Variants in SPATA6 observed in about 807,000 individuals in gnomAD.
SPATA6 encodes spermatogenesis associated 6.
SPATA6 carries 56 observed loss-of-function variants against 65.3 expected under a neutral mutation model. That is an observed-to-expected ratio of 0.86 (90% confidence interval 0.69 to 1.07). SPATA6 has a LOEUF of 1.07. Ranked by LOEUF, SPATA6 falls within the 50% of genes least tolerant of loss-of-function variation. The pLI, the probability that SPATA6 is intolerant of heterozygous loss-of-function variation, is 0.00. For synonymous variants in SPATA6, 199 were observed against 213.2 expected, an observed-to-expected ratio of 0.93 and a Z score of 0.58; for missense variants, 590 against 594.8, an observed-to-expected ratio of 0.99 and a Z score of 0.08.
In SPATA6 at chr1:48,324,260, G is replaced by A. The variant is rs72891563; in HGVS notation, c.1195-18382C>T. Among the ~76,000 whole-genome samples the A allele has an allele frequency of 4.6e-5, 7 of 152,138 alleles. No homozygotes were observed. In the South Asian group the frequency reaches 8.3e-4, roughly 18 times the overall value. On this transcript the variant is annotated intron_variant, in intron 11 of 12. Coordinates refer to ENST00000371847, the MANE Select transcript of SPATA6 (RefSeq NM_019073.4). ...GGGATGAGCCATCATGCCTTGCAAC[G>A]CAAACATTGGAAGTAGAACTAATAC...
At chr1:48,346,584 G>T (rs1646372296) in intron 11 of SPATA6, among the ~76,000 whole-genome samples, 3 of 151,962 alleles carry the variant, frequency 2.0e-5, no homozygotes. Flanking sequence ...TCAGCCCAAA[G>T]CTTCTTAAGC....
chr1:48,460,244 G>A (rs1322213710), intron 1 of SPATA6, among the ~76,000 whole-genome samples: 1 of 152,088 alleles, frequency 6.6e-6, no homozygotes, highest in African/African-American at 2.4e-5. Flanking sequence ...GGGATTACAA[G>A]CATGTGCCAC....
intron 11 of SPATA6, among the ~76,000 whole-genome samples, chr1:48,332,129 T>C (rs1645933468): frequency 1.3e-5 from 2 of 152,164 alleles, no homozygotes; most frequent in Non-Finnish European, 2.9e-5. Context: ...CAAAAACGCA[T>C]GTAAGTACAC....
intron 3 of SPATA6, among the ~76,000 whole-genome samples, chr1:48,424,764 G>A (rs1277458063): frequency 1.3e-5 from 2 of 152,104 alleles, no homozygotes; most frequent in African/African-American, 4.8e-5. Flanking sequence ...ATTTTCATAT[G>A]CCAGTCTGCC....
At chr1:48,445,179 C>T (rs1655895905) in intron 3 of SPATA6, among the ~76,000 whole-genome samples, 1 of 152,146 alleles carries the variant, frequency 6.6e-6, no homozygotes, top group Admixed American at 6.5e-5. Context: ...GACATACAGC[C>T]AAACTGATTA....
At chr1:48,388,193 A>G (rs980328019) in intron 8 of SPATA6, among the ~76,000 whole-genome samples, 1 of 152,154 alleles carries the variant, frequency 6.6e-6, no homozygotes, top group Non-Finnish European at 1.5e-5. Context: ...GTAATTGCAC[A>G]CTAAGCCAAT....
At chr1:48,379,237 T>A (rs1294250606) in intron 9 of SPATA6, among the ~76,000 whole-genome samples, 2 of 152,012 alleles carry the variant, frequency 1.3e-5, no homozygotes, top group Non-Finnish European at 2.9e-5. Context: ...TATCAAACCA[T>A]CAGAACTCGT....
chr1:48,415,874 A>G (rs150418401), intron 3 of SPATA6, among the ~76,000 whole-genome samples: 66 of 152,298 alleles, frequency 4.3e-4, no homozygotes, highest in Non-Finnish European at 8.8e-4. Flanking sequence ...ATCCCTAGGC[A>G]TGTCATATTC....
chr1:48,344,719 G>C (rs942088495), intron 11 of SPATA6, among the ~76,000 whole-genome samples: 6 of 152,124 alleles, frequency 3.9e-5, no homozygotes, highest in Non-Finnish European at 5.9e-5. Context: ...AATCGGGATT[G>C]CGATTCTAGT....
chr1:48,406,149 C>T (rs1651682963), intron 5 of SPATA6, among the ~76,000 whole-genome samples: 1 of 152,002 alleles, frequency 6.6e-6, no homozygotes. Context: ...CCTGTTTGAG[C>T]GTGGGAGGTC....
At chr1:48,411,379 C>T in intron 5 of SPATA6, 85 bp downstream of exon 5, 11 of 1,403,230 alleles carry the variant, frequency 7.8e-6, no homozygotes, top group Non-Finnish European at 1.0e-5. Flanking sequence ...ATTTGTTCTT[C>T]ACATTTAAGA....
intron 11 of SPATA6, among the ~76,000 whole-genome samples, chr1:48,350,601 AT>A (rs1195049196): frequency 6.6e-6 from 1 of 151,978 alleles, no homozygotes; most frequent in African/African-American, 2.4e-5. Flanking sequence ...TTTAAAAAAA[AT>A]CTAGAACCAT....
the SPATA6 span, among the ~76,000 whole-genome samples, chr1:48,264,023 C>G: frequency 1.3e-5 from 2 of 152,188 alleles, no homozygotes; most frequent in Admixed American, 1.3e-4. Context: ...GAAGCTAAGT[C>G]TTGCTATGTT....
chr1:48,336,219 T>C (rs1210546640), intron 11 of SPATA6, among the ~76,000 whole-genome samples: 1 of 152,056 alleles, frequency 6.6e-6, no homozygotes, highest in African/African-American at 2.4e-5. Flanking sequence ...AAAGACAGTA[T>C]GGTGACTTCT....
At chr1:48,288,801 G>A in the SPATA6 span, among the ~76,000 whole-genome samples, 1 of 152,242 alleles carries the variant, frequency 6.6e-6, no homozygotes, top group Admixed American at 6.5e-5. Context: ...CTGGGGGAGG[G>A]GCGCCCACCA....
At chr1:48,277,243 G>A in the SPATA6 span, among the ~76,000 whole-genome samples, 7 of 152,074 alleles carry the variant, frequency 4.6e-5, no homozygotes, top group Non-Finnish European at 8.8e-5. Flanking sequence ...AGTTTCCAGC[G>A]TGAGCGATGC....
intron 1 of SPATA6, among the ~76,000 whole-genome samples, chr1:48,467,696 C>T (rs1657916031): frequency 6.6e-6 from 1 of 151,910 alleles, no homozygotes; most frequent in African/African-American, 2.4e-5. Context: ...TGTAAGGACC[C>T]AAACTCAATA....
chr1:48,325,256 G>T (rs1358810198), intron 11 of SPATA6: 1 of 829,420 alleles, frequency 1.2e-6, no homozygotes, highest in East Asian at 2.4e-5. Context: ...GTTTGGATAT[G>T]GCATAAACAA....
chr1:48,334,380 C>T (rs1463853256), intron 11 of SPATA6, among the ~76,000 whole-genome samples: 1 of 151,870 alleles, frequency 6.6e-6, no homozygotes, highest in Non-Finnish European at 1.5e-5. Context: ...TGCAAAAATC[C>T]TCAACCAAAT....
Sources: gnomAD v4.1 joint callset for allele counts (sites outside exome capture counted in the v4.1 genomes callset) on GRCh38, gnomAD v4.1.1 for gene constraint, MANE v1.5 for transcripts, NCBI Gene and HGNC (gene_info 2026-07-23, HGNC 2026-07-21) for gene names.